Variants in PDE8A observed in about 807,000 individuals in gnomAD.
PDE8A encodes the protein phosphodiesterase 8A, also known as high affinity cAMP-specific and IBMX-insensitive 3',5'-cyclic phosphodiesterase 8A.
PDE8A carries 59 observed loss-of-function variants against 105.0 expected under a neutral mutation model. That is an observed-to-expected ratio of 0.56 (90% CI 0.46 to 0.70). The LOEUF is 0.70. Among genes scored for constraint, PDE8A ranks in the 30% least tolerant of loss-of-function variants. PDE8A has a pLI of 0.00. For synonymous variants in PDE8A, 355 were observed against 371.9 expected, an observed-to-expected ratio of 0.95 and a Z score of 0.52; for missense variants, 1,014 against 1,045.9, an observed-to-expected ratio of 0.97 and a Z score of 0.42.
intron 1 of PDE8A, among the ~76,000 whole-genome samples, chr15:85,045,763 A>T (rs998208977): frequency 1.3e-5 from 2 of 152,138 alleles, no homozygotes; most frequent in African/African-American, 4.8e-5. Context: ...ACACCTAAGA[A>T]CTGGTATCTC....
chr15:85,074,229 C>T (rs146218006), intron 3 of PDE8A, among the ~76,000 whole-genome samples: 4 of 152,332 alleles, frequency 2.6e-5, no homozygotes, highest in African/African-American at 9.6e-5. Context: ...AAGCCCGAAT[C>T]CCTACAGGCA....
chr15:85,074,333 C>T (rs1247075098), intron 3 of PDE8A, among the ~76,000 whole-genome samples: 1 of 152,178 alleles, frequency 6.6e-6, no homozygotes, highest in African/African-American at 2.4e-5. Flanking sequence ...GTAGTTGTGA[C>T]AAGAGTCCAT....
chr15:85,120,232 C>G (rs1282053302), intron 17 of PDE8A: 1 of 151,672 alleles, frequency 6.6e-6, no homozygotes, highest in Non-Finnish European at 1.5e-5. Flanking sequence ...GGCTCCTGAC[C>G]CAGATGGACA....
chr15:85,089,819 A>G (rs528789594), intron 7 of PDE8A, among the ~76,000 whole-genome samples: 36 of 152,330 alleles, frequency 2.4e-4, no homozygotes, highest in Middle Eastern at 3.4e-3. Context: ...GATAATTTGC[A>G]CTTACAGAAA....
intron 12 of PDE8A, among the ~76,000 whole-genome samples, chr15:85,111,499 A>G (rs1054395311): frequency 2.0e-5 from 3 of 152,204 alleles, no homozygotes; most frequent in African/African-American, 7.2e-5. Flanking sequence ...ATTATTATAA[A>G]TCAGCTTACT....
rs1006631388 is a variant in PDE8A, at chr15:85,074,530, G to C, written c.435-1332G>C. 5.3e-5 allele frequency among the ~76,000 whole-genome samples: 8 copies of C among 152,246 alleles called. No homozygotes were observed. In the South Asian group the frequency reaches 1.7e-3, roughly 32 times the overall value. On this transcript the variant is annotated intron_variant, in intron 3 of 21. Transcript: ENST00000394553. ...AGCCTGGGCAATGTAGTGAGACCTC[G>C]TCTCTACAAAAAATAAAAAAATTAG...
chr15:85,023,579 A>C (rs956661516), intron 1 of PDE8A, among the ~76,000 whole-genome samples: 1 of 151,782 alleles, frequency 6.6e-6, no homozygotes, highest in Non-Finnish European at 1.5e-5. Flanking sequence ...AGGTCAGAGA[A>C]TTATTGGAGG....
intron 20 of PDE8A, among the ~76,000 whole-genome samples, chr15:85,129,964 A>G (rs1302773433): frequency 6.6e-6 from 1 of 152,184 alleles, no homozygotes; most frequent in Non-Finnish European, 1.5e-5. Context: ...GTCCATTTGC[A>G]TTGCTATAAA....
At chr15:85,073,203 G>A (rs993034819) in intron 3 of PDE8A, among the ~76,000 whole-genome samples, 2 of 152,260 alleles carry the variant, frequency 1.3e-5, no homozygotes, top group Middle Eastern at 3.4e-3. Flanking sequence ...CATCTTTTTC[G>A]TGACCTTCTT....
At chr15:85,126,057 A>G (rs2082253439) in intron 19 of PDE8A, 150 bp from the exon 20 acceptor site, 1 of 482,324 alleles carries the variant, frequency 2.1e-6, no homozygotes. Context: ...GGCCAAGCTC[A>G]ATGCTCACAG....
intron 1 of PDE8A, among the ~76,000 whole-genome samples, chr15:85,016,757 C>T (rs554074636): frequency 2.0e-5 from 3 of 152,252 alleles, no homozygotes; most frequent in Admixed American, 2.0e-4. Context: ...GAACTGACAT[C>T]ATTGTGATGT....
chr15:85,105,998 G>A lies in PDE8A; in HGVS notation c.1037-3055G>A, dbSNP rs78005786. 8.7e-3 allele frequency among the ~76,000 whole-genome samples: 1,319 copies of A among 152,292 alleles called. 8 individuals are homozygous for A. The highest frequency in any genetic ancestry group is 0.02 in the Middle Eastern group (6 of 294). On this transcript the variant is annotated intron_variant, in intron 11 of 21. Transcript: ENST00000394553. ...GAAAATTGCTAGAATCATCTATAAC[G>A]TGCTACAGGGACTAGGGGAGCAGTG...
At chr15:85,068,363 A>T (rs1456793220) in intron 3 of PDE8A, among the ~76,000 whole-genome samples, 3 of 152,036 alleles carry the variant, frequency 2.0e-5, no homozygotes, top group African/African-American at 4.8e-5. Flanking sequence ...ATTTCTTGAC[A>T]TGTCATTTGG....
intron 1 of PDE8A, among the ~76,000 whole-genome samples, chr15:84,985,174 G>A (rs1022371286): frequency 6.6e-6 from 1 of 152,180 alleles, no homozygotes; most frequent in African/African-American, 2.4e-5. Flanking sequence ...GATTCTTTAT[G>A]TGAGATACCA....
intron 7 of PDE8A, chr15:85,090,705 C>G (rs1466509081): frequency 4.6e-6 from 2 of 437,200 alleles, no homozygotes; most frequent in East Asian, 6.8e-5. Flanking sequence ...CACCCCCACC[C>G]CCATCTAAAC....
intron 1 of PDE8A, among the ~76,000 whole-genome samples, chr15:85,021,776 A>G (rs1003528365): frequency 1.3e-5 from 2 of 152,182 alleles, no homozygotes; most frequent in African/African-American, 4.8e-5. Context: ...CGGAACAGTT[A>G]TTTTGTAGGA....
chr15:85,040,627 C>A (rs1229293126), intron 1 of PDE8A, among the ~76,000 whole-genome samples: 1 of 144,166 alleles, frequency 6.9e-6, no homozygotes, highest in East Asian at 2.0e-4. Flanking sequence ...GTGGTGCAAT[C>A]TTGGCTCACT....
intron 1 of PDE8A, among the ~76,000 whole-genome samples, chr15:85,029,594 A>G (rs1274860340): frequency 6.6e-6 from 1 of 151,946 alleles, no homozygotes; most frequent in East Asian, 1.9e-4. Context: ...TTCTACATGA[A>G]TTTGTATATA....
intron 1 of PDE8A, among the ~76,000 whole-genome samples, chr15:85,045,817 T>G (rs2080877880): frequency 6.6e-6 from 1 of 152,160 alleles, no homozygotes; most frequent in African/African-American, 2.4e-5. Context: ...ATTATTTCTC[T>G]TTGTCCAGAG....
Sources: gnomAD v4.1 joint callset for allele counts (sites outside exome capture counted in the v4.1 genomes callset) on GRCh38, gnomAD v4.1.1 for gene constraint, MANE v1.5 for transcripts, NCBI Gene and HGNC (gene_info 2026-07-23, HGNC 2026-07-21) for gene names.